The following TCOF1 variants were observed in gnomAD, a reference collection of about 807,000 sequenced individuals.
The protein encoded by TCOF1 is treacle ribosome biogenesis factor 1, also known as treacle protein.
In TCOF1, 33 loss-of-function variants were observed where a neutral mutation model predicts 149.0. That is an observed-to-expected ratio of 0.22 (90% CI 0.17 to 0.30). The LOEUF is 0.30. Among genes scored for constraint, TCOF1 ranks in the 10% least tolerant of loss-of-function variants. The pLI is 1.00. For missense variants in TCOF1, 1,728 were observed against 1,840.7 expected (o/e 0.94, Z 1.12); for synonymous variants, 789 against 738.8 (o/e 1.07, Z -1.10).
At chr5:150,383,989 C>G (rs1403920976) in intron 17 of TCOF1, 7 of 1,399,936 alleles carry the variant, frequency 5.0e-6, no homozygotes, top group African/African-American at 2.9e-5. Flanking sequence ...TTGTCCTCCT[C>G]TAGCCCCAAG....
intron 2 of TCOF1, 71 bp from the exon 3 acceptor site, chr5:150,364,042 G>C: frequency 6.2e-7 from 1 of 1,610,000 alleles, no homozygotes; most frequent in South Asian, 1.1e-5. Context: ...ATGCGGGAAG[G>C]TCTGTCTAGT....
rs768938359 is a variant in TCOF1 at position 150,361,148 on chromosome 5, C to G, written c.109-8C>G. 7.2e-5 allele frequency: 116 copies of G among 1,614,054 alleles called. No individual in the cohort carries two copies. The highest frequency in any genetic ancestry group is 9.4e-5 in the Non-Finnish European group (111 of 1,180,026). On this transcript the variant is annotated splice_region_variant and splice_polypyrimidine_tract_variant and intron_variant, in intron 1 of 26. Transcript: ENST00000643257. ...ATTAATTGTGGCTTTCTCTTTACCTCTCTGCAGAAGTGTTTCCTGGCTCAG... is the reference window on the plus strand; with the variant it reads ...ATTAATTGTGGCTTTCTCTTTACCTGTCTGCAGAAGTGTTTCCTGGCTCAG...
chr5:150,382,418 A>G (rs114592645), intron 17 of TCOF1, among the ~76,000 whole-genome samples: 1,588 of 152,266 alleles, frequency 0.01, 34 homozygotes, highest in African/African-American at 0.037. Context: ...ATTGGAAATG[A>G]CATGTACAAA....
At chr5:150,368,264 G>A (rs539336940) in intron 4 of TCOF1, 14 of 373,232 alleles carry the variant, frequency 3.8e-5, no homozygotes, top group East Asian at 1.2e-4. Flanking sequence ...TGGAGGCACC[G>A]TAGTGATCAA....
Position 150,392,807 on chromosome 5 carries a change from G to A in TCOF1, c.3603+17G>A. 6.2e-7 allele frequency: 1 copy of A among 1,613,116 alleles called. No individual in the cohort carries two copies. The highest frequency in any genetic ancestry group is 8.5e-7 in the Non-Finnish European group (1 of 1,179,572). On this transcript the variant is annotated intron_variant, in intron 22 of 26. Coordinates refer to ENST00000643257, the MANE Select transcript of TCOF1 (RefSeq NM_001371623.1). ...CCATCCCAGGTAACTGCAAGGGAGA[G>A]GACTGGCAGCCCATAGGCCTTAGGG...
chr5:150,367,991 G>C, intron 4 of TCOF1, 74 bp downstream of exon 4: 1 of 1,541,586 alleles, frequency 6.5e-7, no homozygotes, highest in Non-Finnish European at 8.9e-7. Flanking sequence ...TTACATGTCA[G>C]AGAAGGATAG....
At chr5:150,387,843 C>G in intron 17 of TCOF1, 59 bp from the exon 18 acceptor site, 9 of 1,610,992 alleles carry the variant, frequency 5.6e-6, no homozygotes, top group African/African-American at 1.3e-5. Flanking sequence ...ACCCCATCAC[C>G]TCCTTTCCCT....
At chr5:150,361,833 G>A (rs539314301) in intron 2 of TCOF1, among the ~76,000 whole-genome samples, 2 of 152,180 alleles carry the variant, frequency 1.3e-5, no homozygotes, top group Non-Finnish European at 2.9e-5. Context: ...GCTAAGTCCT[G>A]TGGCTGGTGG....
Position 150,391,587 on chromosome 5 carries a change from C to T in TCOF1, c.3227C>T (p.Ala1076Val), listed in dbSNP as rs772198017. 1.2e-6 allele frequency: 2 copies of T among 1,614,176 alleles called. No homozygotes were observed. Among genetic ancestry groups the T allele is most frequent in the South Asian group, 2.2e-5 (2 of 91,084 alleles). ...GCTTCCCTCCCACTGACCCAGGCTG[C>T]CCTGAAGGTCCTCGCCCAGAAAGCC... Reference protein sequence around the residue: ...NPASLPLTQAALKVLAQKASE... With the variant: ...NPASLPLTQAVLKVLAQKASE... The change falls in exon 20 of 27, where the codon GCC becomes GTC. Residue 1076 changes from alanine to valine, a missense_variant. This residue lies in a region of TCOF1 where 1,696 missense variants were observed against 1,765.4 expected (regional missense o/e 0.96). Transcript: ENST00000643257.
intron 18 of TCOF1, 41 bp from the exon 19 acceptor site, chr5:150,389,846 G>A: frequency 6.2e-7 from 1 of 1,614,096 alleles, no homozygotes. Flanking sequence ...AGGCGATGGG[G>A]CTTTTGTGCC....
intron 3 of TCOF1, among the ~76,000 whole-genome samples, chr5:150,364,698 A>G (rs1760924687): frequency 6.6e-6 from 1 of 152,210 alleles, no homozygotes; most frequent in African/African-American, 2.4e-5. Flanking sequence ...GGAACGCTGT[A>G]CTGGGCACTG....
intron 15 of TCOF1, 66 bp downstream of exon 15, chr5:150,379,108 G>A: frequency 8.1e-6 from 13 of 1,613,836 alleles, no homozygotes; most frequent in Admixed American, 1.7e-5. Context: ...CAGTCACTGA[G>A]CCCAGCCAGG....
chr5:150,383,792 C>T, intron 17 of TCOF1: 4 of 1,551,800 alleles, frequency 2.6e-6, no homozygotes, highest in Non-Finnish European at 2.6e-6. Flanking sequence ...CTCTCAAGCA[C>T]CTGTGGCATA....
In TCOF1 at chr5:150,387,952, C is replaced by A. The variant is rs370761304; in HGVS notation, c.2910C>A (p.Gly970=). 265 of 1,613,898 alleles carry A rather than the reference C, an allele frequency of 1.6e-4. No homozygotes were observed. The highest frequency in any genetic ancestry group is 2.0e-4 in the Non-Finnish European group (235 of 1,180,050). ...TCGACCCTAATCGTAGTCCAGCTGGCCCAGCTGCTACACCCGCACAAGCCC... is the reference window on the plus strand; with the variant it reads ...TCGACCCTAATCGTAGTCCAGCTGGACCAGCTGCTACACCCGCACAAGCCC... ...IFVDPNRSPA[G]PAATPAQAQA... is the part of the protein sequence containing the mutation. The change falls in exon 18 of 27, where the codon GGC becomes GGA. Residue 970 remains glycine, a synonymous_variant. Coordinates refer to ENST00000643257, the MANE Select transcript of TCOF1 (RefSeq NM_001371623.1).
In TCOF1 at chr5:150,368,101, T is replaced by C. The variant is rs1761746919; in HGVS notation, c.378+184T>C. Reference sequence around the variant, plus strand: ...CTCTCTGGGCCTCAGTTTACTTTTCTATAAAGATAAGGATGATGCCTGCTG... The same window carrying C: ...CTCTCTGGGCCTCAGTTTACTTTTCCATAAAGATAAGGATGATGCCTGCTG... On this transcript the variant is annotated intron_variant, in intron 4 of 26. Coordinates refer to ENST00000643257, the MANE Select transcript of TCOF1 (RefSeq NM_001371623.1). 9.6e-6 allele frequency: 6 copies of C among 627,870 alleles called. No homozygotes were observed. In the East Asian group the frequency reaches 1.5e-4, roughly 15 times the overall value. The allele number at this position is 627,870 out of a possible 1,614,324, so 38.9% of individuals were successfully genotyped here. A position where few individuals can be genotyped will look rare whatever the true frequency, so the allele number is the denominator to read the frequency against.
Position 150,376,309 on chromosome 5 carries a change from T to A in TCOF1, c.2121T>A (p.Gly707=). 1.2e-6 allele frequency: 2 copies of A among 1,614,002 alleles called. No homozygotes were observed. Among genetic ancestry groups the A allele is most frequent in the Non-Finnish European group, 1.7e-6 (2 of 1,179,970 alleles). Residue 707 remains glycine, a synonymous_variant, in exon 13 of 27, where the codon GGT becomes GGA. Transcript: ENST00000643257. ...CAGATAGTGAGGAAGAGAAGACAGG[T>A]CTTGCAGTAACCGTGGGACAGGTGA... The part of the protein sequence containing the change: ...EESDSEEEKT[G]LAVTVGQAKS...
chr5:150,368,787 CCTT>C lies in TCOF1; in HGVS notation c.454_456del (p.Leu152del), dbSNP rs1216133920. ...CTGCCACTGGGAAGACGGTGGCCAA[CCTT>C]CTTTCTGGGAAGTCTCCCAGGAAGT... is the stretch of plus-strand genomic sequence containing the variant. On this transcript the variant is annotated inframe_deletion, in exon 5 of 27. Transcript: ENST00000643257. The C allele has an allele frequency of 1.2e-6, 2 of 1,613,984 alleles. No homozygotes were observed. Among genetic ancestry groups the C allele is most frequent in the African/African-American group, 2.7e-5 (2 of 74,926 alleles).
rs1205966852 is a variant in TCOF1, at chr5:150,376,124, A to G, written c.1936A>G (p.Lys646Glu). Residue 646 changes from lysine (K) to glutamate (E), a missense_variant, in exon 13 of 27, where the codon AAG becomes GAG. Around this residue, in one of 2 missense-constraint regions of TCOF1, gnomAD observed 1,696 missense variants for 1,765.4 expected, o/e 0.96. Transcript: ENST00000643257. The part of the protein sequence containing the change: ...LKIPQTKACP[K>E]KTNTTASAKV... ...AATTCCTCAGACCAAGGCCTGCCCA[A>G]AGAAAACCAATACCACTGCATCTGC... is the stretch of plus-strand genomic sequence containing the variant. 6.2e-7 allele frequency: 1 copy of G among 1,614,198 alleles called. No homozygotes were observed. Among genetic ancestry groups the G allele is most frequent in the Non-Finnish European group, 8.5e-7 (1 of 1,180,030 alleles).
intron 17 of TCOF1, chr5:150,384,254 CA>C: frequency 1.0e-6 from 1 of 991,578 alleles, no homozygotes; most frequent in Non-Finnish European, 1.2e-6. Context: ...CCACCACCAA[CA>C]TCGGTAACTC....
Sources: allele counts gnomAD v4.1 joint callset (sites outside exome capture counted in the v4.1 genomes callset), GRCh38; gene constraint gnomAD v4.1.1; regional missense constraint gnomAD v4.1.1; transcripts MANE v1.5; gene names NCBI Gene and HGNC (gene_info 2026-07-23, HGNC 2026-07-21).